The following TMEM273 variants were observed in gnomAD, a reference collection of about 807,000 sequenced individuals.
The protein encoded by TMEM273 is transmembrane protein 273, also known as chromosome 10 open reading frame 128.
A neutral mutation model predicts 17.9 loss-of-function variants in TMEM273; 19 were observed. The observed-to-expected ratio is 1.06, with a 90% CI of 0.74 to 1.55. The LOEUF is 1.55. Ranked by LOEUF, TMEM273 falls within the 40% of genes most tolerant of loss-of-function variation. The pLI, the probability that TMEM273 is intolerant of heterozygous loss-of-function variation, is 0.00. For missense variants in TMEM273, 194 were observed against 155.6 expected, an observed-to-expected ratio of 1.25 and a Z score of -1.31; for synonymous variants, 66 against 62.0, an observed-to-expected ratio of 1.07 and a Z score of -0.31.
At chr10:49,161,509 G>A in intron 6 of TMEM273, 90 bp downstream of exon 6, 1 of 1,559,566 alleles carries the variant, frequency 6.4e-7, no homozygotes, top group Non-Finnish European at 8.8e-7. Context: ...GGCCAGGGGA[G>A]GGAGAGGTCA....
chr10:49,165,361 T>A, intron 4 of TMEM273, 78 bp from the exon 5 acceptor site: 1 of 1,548,884 alleles, frequency 6.5e-7, no homozygotes, highest in Non-Finnish European at 8.7e-7. Context: ...GGACGTGGGC[T>A]CTGTGCAGAA....
intron 5 of TMEM273, among the ~76,000 whole-genome samples, chr10:49,161,850 C>T (rs1304153755): frequency 6.6e-6 from 1 of 152,146 alleles, no homozygotes; most frequent in African/African-American, 2.4e-5. Flanking sequence ...ACGATACCTG[C>T]CAAGAACAGC....
intron 6 of TMEM273, among the ~76,000 whole-genome samples, chr10:49,160,135 T>C (rs2132097138): frequency 6.6e-6 from 1 of 152,330 alleles, no homozygotes; most frequent in South Asian, 2.1e-4. Flanking sequence ...AGCAGGATCA[T>C]GAATAGGTAT....
At chr10:49,179,888 CA>C (rs142048134) in intron 1 of TMEM273, among the ~76,000 whole-genome samples, 2,976 of 152,304 alleles carry the variant, frequency 0.02, 85 homozygotes, top group African/African-American at 0.066. Context: ...AACGGTCAAA[CA>C]GCACAGAAAA....
At chr10:49,173,979 G>A (rs1328454188) in intron 1 of TMEM273, among the ~76,000 whole-genome samples, 1 of 152,136 alleles carries the variant, frequency 6.6e-6, no homozygotes, top group Admixed American at 6.5e-5. Flanking sequence ...TGAGCCAAGA[G>A]GCTCAGAAAA....
chr10:49,185,510 CCT>C (rs961364100), intron 1 of TMEM273, among the ~76,000 whole-genome samples: 10 of 152,094 alleles, frequency 6.6e-5, no homozygotes, highest in African/African-American at 2.4e-4. Flanking sequence ...GCTCTAGGCC[CCT>C]TTCTCCAGTC....
At chr10:49,175,470 T>C (rs1269997803) in intron 1 of TMEM273, among the ~76,000 whole-genome samples, 1 of 152,124 alleles carries the variant, frequency 6.6e-6, no homozygotes, top group African/African-American at 2.4e-5. Flanking sequence ...CTTCCAGAAA[T>C]AGCATCATAA....
intron 2 of TMEM273, among the ~76,000 whole-genome samples, chr10:49,167,247 G>A (rs1846252983): frequency 6.6e-6 from 1 of 152,200 alleles, no homozygotes; most frequent in Non-Finnish European, 1.5e-5. Context: ...AGCTCACCTG[G>A]CTACCCCTGC....
At chr10:49,187,042 T>G (rs535725201) in intron 1 of TMEM273, among the ~76,000 whole-genome samples, 3 of 152,366 alleles carry the variant, frequency 2.0e-5, no homozygotes, top group East Asian at 3.9e-4. Flanking sequence ...CATTTTTCAT[T>G]GGATTTCTTA....
intron 5 of TMEM273, among the ~76,000 whole-genome samples, chr10:49,162,373 G>A (rs1845901653): frequency 6.6e-6 from 1 of 152,156 alleles, no homozygotes; most frequent in Admixed American, 6.5e-5. Flanking sequence ...ACATATGCGT[G>A]CGCACACACA....
chr10:49,183,400 G>A (rs571149787), intron 1 of TMEM273, among the ~76,000 whole-genome samples: 3 of 151,602 alleles, frequency 2.0e-5, no homozygotes, highest in Admixed American at 2.0e-4. Flanking sequence ...AAGAGAAAGA[G>A]GCAATATATT....
chr10:49,167,769 G>A, intron 2 of TMEM273, 140 bp downstream of exon 2: 2 of 1,023,714 alleles, frequency 2.0e-6, no homozygotes, highest in Non-Finnish European at 2.9e-6. Context: ...TGCTCTGGGG[G>A]ACCTGGAGGT....
At chr10:49,180,310 C>T (rs546031904) in intron 1 of TMEM273, among the ~76,000 whole-genome samples, 7 of 152,230 alleles carry the variant, frequency 4.6e-5, no homozygotes, top group Admixed American at 2.0e-4. Context: ...CACCCAAGCC[C>T]GAGGCTGACG....
intron 1 of TMEM273, among the ~76,000 whole-genome samples, chr10:49,184,814 T>A (rs997690530): frequency 6.6e-6 from 1 of 152,224 alleles, no homozygotes; most frequent in African/African-American, 2.4e-5. Flanking sequence ...CATCGAAGCC[T>A]CAGCCATCAG....
intron 1 of TMEM273, among the ~76,000 whole-genome samples, chr10:49,174,582 A>G (rs1846821030): frequency 6.6e-6 from 1 of 152,198 alleles, no homozygotes; most frequent in Non-Finnish European, 1.5e-5. Flanking sequence ...GGACGTCTGC[A>G]GACCCCTCCC....
intron 6 of TMEM273, among the ~76,000 whole-genome samples, chr10:49,157,987 C>T (rs1845612933): frequency 6.6e-6 from 1 of 152,116 alleles, no homozygotes; most frequent in Non-Finnish European, 1.5e-5. Context: ...CCCTATAATG[C>T]TAACATAATC....
chr10:49,181,700 G>A (rs1847350118), intron 1 of TMEM273, among the ~76,000 whole-genome samples: 1 of 152,066 alleles, frequency 6.6e-6, no homozygotes, highest in Non-Finnish European at 1.5e-5. Context: ...AACAAAAAGA[G>A]CTCAAAATTG....
At chr10:49,167,111 C>T (rs953943373) in intron 2 of TMEM273, 102 bp from the exon 3 acceptor site, 3 of 1,489,826 alleles carry the variant, frequency 2.0e-6, no homozygotes, top group Admixed American at 3.8e-5. Context: ...TAACACACCA[C>T]CTCCCACTGG....
At chr10:49,166,657 T>TAGAGAGACAGAGAGAG in intron 3 of TMEM273, 1 of 637,130 alleles carries the variant, frequency 1.6e-6, no homozygotes, top group Non-Finnish European at 2.7e-6. Context: ...GGAACACAAA[T>TAGAGAGACAGAGAGAG]AGAGAGACAG....
Sources: allele counts gnomAD v4.1 joint callset (sites outside exome capture counted in the v4.1 genomes callset), GRCh38; gene constraint gnomAD v4.1.1; transcripts MANE v1.5; gene names NCBI Gene and HGNC (gene_info 2026-07-23, HGNC 2026-07-21).